The following MPP4 variants were observed in gnomAD, a reference collection of about 807,000 sequenced individuals.
MPP4 encodes the protein MAGUK p55 scaffold protein 4, also known as MAGUK p55 subfamily member 4.
Under a neutral mutation model 98.3 loss-of-function variants are expected in MPP4, and 91 were observed. The ratio of observed to expected loss-of-function variants is 0.93; its 90% CI spans 0.78 to 1.10. MPP4 has a LOEUF of 1.10. Ranked by LOEUF, MPP4 falls within the 50% of genes least tolerant of loss-of-function variation. The pLI, the probability that MPP4 is intolerant of heterozygous loss-of-function variation, is 0.00. For synonymous variants in MPP4, 261 were observed against 271.8 expected, an observed-to-expected ratio of 0.96 and a Z score of 0.39; for missense variants, 744 against 792.9, an observed-to-expected ratio of 0.94 and a Z score of 0.74.
At chr2:201,693,830 G>A (rs766242428) in intron 2 of MPP4, 46 bp downstream of exon 2, 1 of 1,596,462 alleles carries the variant, frequency 6.3e-7, no homozygotes, top group Admixed American at 1.7e-5. Context: ...CATGTCAGAG[G>A]TGATATTACT....
intron 14 of MPP4, chr2:201,662,062 A>G (rs1176159374): frequency 2.5e-6 from 1 of 392,444 alleles, no homozygotes. Flanking sequence ...GTGGTTCACA[A>G]CTCATCTGTC....
chr2:201,655,214 C>T (rs1464970068), intron 17 of MPP4, among the ~76,000 whole-genome samples: 1 of 152,212 alleles, frequency 6.6e-6, no homozygotes, highest in Non-Finnish European at 1.5e-5. Flanking sequence ...TAGCTGGTCT[C>T]ATTTTAGAGA....
intron 6 of MPP4, 44 bp from the exon 7 acceptor site, chr2:201,685,189 C>G: frequency 6.6e-7 from 1 of 1,515,674 alleles, no homozygotes; most frequent in Non-Finnish European, 9.0e-7. Flanking sequence ...CTGACATGAC[C>G]ATTTTCCAGG....
rs768167576 is a variant in MPP4 at position 201,654,873 on chromosome 2, C to T, written c.1345G>A (p.Glu449Lys). ...CTTTGAAAATGGCTGGGATTAAATTCAATAAGTTGTCTTCTGAGCTCATTT... is the reference window on the plus strand; with the variant it reads ...CTTTGAAAATGGCTGGGATTAAATTTAATAAGTTGTCTTCTGAGCTCATTT... ...GVNELRRQLI[E>K]FNPSHFQSAV... Residue 449 changes from glutamate (E) to lysine (K), a missense_variant, in exon 18 of 22, where the codon GAA becomes AAA. Transcript: ENST00000409474. 16 of 1,605,176 alleles carry T rather than the reference C, an allele frequency of 1.0e-5. No individual in the cohort carries two copies. The highest frequency in any genetic ancestry group is 1.0e-5 in the Non-Finnish European group (12 of 1,175,872).
chr2:201,651,164 T>C (rs918563017), intron 18 of MPP4: 17 of 985,308 alleles, frequency 1.7e-5, no homozygotes, highest in African/African-American at 3.5e-5. Context: ...AAGGATGAAA[T>C]AGATCAACAT....
intron 1 of MPP4, among the ~76,000 whole-genome samples, chr2:201,695,952 T>C (rs1173863568): frequency 6.6e-6 from 1 of 152,190 alleles, no homozygotes; most frequent in Non-Finnish European, 1.5e-5. Flanking sequence ...AAATTAGTTG[T>C]TAAAGACTGG....
At chr2:201,679,669 C>A (rs1445171412) in intron 10 of MPP4, among the ~76,000 whole-genome samples, 2 of 152,162 alleles carry the variant, frequency 1.3e-5, no homozygotes, top group African/African-American at 2.4e-5. Context: ...AACAGCAATT[C>A]TCTTCTGTTT....
At chr2:201,659,197 G>A (rs979967792) in intron 15 of MPP4, among the ~76,000 whole-genome samples, 4 of 127,812 alleles carry the variant, frequency 3.1e-5, no homozygotes, top group Non-Finnish European at 4.9e-5. Flanking sequence ...CCTTGTTCTT[G>A]ACCATACTGT....
intron 18 of MPP4, among the ~76,000 whole-genome samples, chr2:201,652,673 T>G (rs1687745599): frequency 6.6e-6 from 1 of 152,196 alleles, no homozygotes; most frequent in Admixed American, 6.5e-5. Flanking sequence ...TCAAATTTGC[T>G]GCACCAGGGA....
At chr2:201,662,443 G>A (rs1439191433) in intron 14 of MPP4, among the ~76,000 whole-genome samples, 3 of 143,272 alleles carry the variant, frequency 2.1e-5, no homozygotes, top group Non-Finnish European at 4.5e-5. Flanking sequence ...GGAGATTGCA[G>A]TGAGCCCAGA....
intron 8 of MPP4, 92 bp downstream of exon 8, chr2:201,682,739 T>A: frequency 9.3e-7 from 1 of 1,077,536 alleles, no homozygotes; most frequent in African/African-American, 1.6e-5. Context: ...GAGTCCCCGG[T>A]ACATCCCAGT....
chr2:201,674,256 G>A (rs1688434537), intron 11 of MPP4, among the ~76,000 whole-genome samples: 1 of 152,240 alleles, frequency 6.6e-6, no homozygotes, highest in Admixed American at 6.5e-5. Context: ...ATGAGCTGCA[G>A]AGATCTTGGA....
intron 8 of MPP4, among the ~76,000 whole-genome samples, chr2:201,682,502 T>A (rs950782644): frequency 2.0e-5 from 3 of 152,198 alleles, no homozygotes; most frequent in Non-Finnish European, 2.9e-5. Context: ...TAAGTCTCAC[T>A]CTGTCCACCC....
chr2:201,649,586 A>G lies in MPP4; in HGVS notation c.1574T>C (p.Leu525Pro). 6.2e-7 allele frequency: 1 copy of G among 1,601,860 alleles called. No homozygotes were observed. The highest frequency in any genetic ancestry group is 8.5e-7 in the Non-Finnish European group (1 of 1,173,562). The stretch of plus-strand genomic sequence containing the variant: ...CCACCATGGACCCACCTGAGGCTCT[A>G]GGTCCATGACACAGATCTTTCCTTC... ...LVEGKICVMD[L>P]EPQDIQGVRT... Residue 525 changes from leucine to proline, a missense_variant, in exon 20 of 22, where the codon CTA (leucine) becomes CCA (proline). Coordinates refer to ENST00000409474, the MANE Select transcript of MPP4 (RefSeq NM_033066.3).
Position 201,694,053 on chromosome 2 carries a change from C to T in MPP4, c.-99G>A. 1.2e-6 allele frequency: 2 copies of T among 1,608,762 alleles called. No individual in the cohort carries two copies. The highest frequency in any genetic ancestry group is 2.2e-5 in the East Asian group (1 of 44,812). On this transcript the variant is annotated splice_region_variant and 5_prime_UTR_variant, in exon 2 of 22. The change creates a new upstream start codon in the 5' untranslated region. Coordinates refer to ENST00000409474, the MANE Select transcript of MPP4 (RefSeq NM_033066.3). ...TCCCACTGGCCACCAGCTCTCAGCA[C>T]ACTGGAATATATTTTCAATAGCATT...
intron 6 of MPP4, 136 bp downstream of exon 6, chr2:201,685,783 C>T (rs1307910275): frequency 1.1e-6 from 1 of 946,056 alleles, no homozygotes; most frequent in Non-Finnish European, 1.5e-6. Context: ...GCAAAACTTG[C>T]AGAGTTGACA....
At chr2:201,695,347 C>G (rs1689148853) in intron 1 of MPP4, among the ~76,000 whole-genome samples, 1 of 152,240 alleles carries the variant, frequency 6.6e-6, no homozygotes, top group African/African-American at 2.4e-5. Flanking sequence ...TTGCCCTACA[C>G]AGTGAAGAAT....
chr2:201,688,606 GT>G (rs1302725828), intron 4 of MPP4, among the ~76,000 whole-genome samples: 3 of 152,040 alleles, frequency 2.0e-5, no homozygotes, highest in Non-Finnish European at 4.4e-5. Flanking sequence ...CTGATGATTT[GT>G]TTTTTGGGTT....
intron 4 of MPP4, among the ~76,000 whole-genome samples, chr2:201,689,577 A>G (rs1444342622): frequency 1.3e-5 from 2 of 152,074 alleles, no homozygotes; most frequent in African/African-American, 2.4e-5. Context: ...TCCTGGATAT[A>G]TTTTGGTGAG....
Sources: gnomAD v4.1 joint callset for allele counts (sites outside exome capture counted in the v4.1 genomes callset) on GRCh38, gnomAD v4.1.1 for gene constraint, MANE v1.5 for transcripts, NCBI Gene and HGNC (gene_info 2026-07-23, HGNC 2026-07-21) for gene names.